The following SOX6 variants were observed in gnomAD, a reference collection of about 807,000 sequenced individuals.
The protein encoded by SOX6 is transcription factor SOX-6.
A neutral mutation model predicts 97.8 loss-of-function variants in SOX6; 11 were observed. The ratio of observed to expected loss-of-function variants is 0.11; its 90% CI spans 0.07 to 0.19. The LOEUF is 0.19. SOX6 is among the 10% of genes least tolerant of loss of function. The probability of loss-of-function intolerance (pLI) is 1.00; values close to 1 mark genes in which losing one functional copy is unlikely to be tolerated. For missense variants in SOX6, 810 were observed against 1,039.5 expected (o/e 0.78, Z 3.04); for synonymous variants, 360 against 371.4 (o/e 0.97, Z 0.35).
At chr11:16,279,905 T>C (rs1854503959) in intron 3 of SOX6, among the ~76,000 whole-genome samples, 1 of 152,078 alleles carries the variant, frequency 6.6e-6, no homozygotes, top group Non-Finnish European at 1.5e-5. Flanking sequence ...TCTTGAAAAA[T>C]CTATATTTGG....
chr11:16,673,204 GA>G (rs1564865487), intron 3 of SOX6, among the ~76,000 whole-genome samples: 1 of 151,990 alleles, frequency 6.6e-6, no homozygotes, highest in African/African-American at 2.4e-5. Context: ...GTGTCTTAAA[GA>G]ATTAGAAAAG....
chr11:16,066,489 T>G (rs1274114858), intron 9 of SOX6, among the ~76,000 whole-genome samples: 1 of 152,188 alleles, frequency 6.6e-6, no homozygotes, highest in Non-Finnish European at 1.5e-5. Flanking sequence ...TACCAAAGTT[T>G]GCAAGCAATC....
chr11:16,439,942 C>A lies in SOX6; in HGVS notation c.-5+36373G>T, dbSNP rs566901611. ...CTGGTATTTCTGAAGTGTCTAGATT[C>A]TCCACTTTCATACATTTAAACTATC... On this transcript the variant is annotated intron_variant, in intron 1 of 15. Transcript: ENST00000396356. 3.9e-5 allele frequency among the ~76,000 whole-genome samples: 6 copies of A among 152,276 alleles called. No individual in the cohort carries two copies. The East Asian group carries it at 1.2e-3, about 29-fold the overall frequency.
chr11:16,441,221 C>T (rs967171433), intron 1 of SOX6, among the ~76,000 whole-genome samples: 1 of 152,064 alleles, frequency 6.6e-6, no homozygotes, highest in Admixed American at 6.5e-5. Flanking sequence ...ATGGCCATAC[C>T]ATCTACTCTG....
intron 4 of SOX6, among the ~76,000 whole-genome samples, chr11:16,525,840 C>T (rs1310537506): frequency 1.3e-5 from 2 of 152,080 alleles, no homozygotes; most frequent in African/African-American, 4.8e-5. Context: ...ACAGACACTT[C>T]TCAAAAGAAG....
chr11:16,217,678 C>T (rs1445519791), intron 4 of SOX6, among the ~76,000 whole-genome samples: 1 of 152,078 alleles, frequency 6.6e-6, no homozygotes, highest in Admixed American at 6.6e-5. Context: ...ATCTCTACTT[C>T]TGAGTCTATT....
intron 3 of SOX6, among the ~76,000 whole-genome samples, chr11:16,623,744 T>TA (rs1180762358): frequency 1.3e-5 from 2 of 152,204 alleles, no homozygotes; most frequent in African/African-American, 4.8e-5. Flanking sequence ...TTGTATAAGG[T>TA]GAGAGATGAG....
chr11:16,698,762 G>A (rs926513521), intron 3 of SOX6, among the ~76,000 whole-genome samples: 13 of 152,152 alleles, frequency 8.5e-5, no homozygotes, highest in Non-Finnish European at 1.9e-4. Context: ...TGAGGAGAGG[G>A]AGAGAGACAG....
rs150998116 is a variant in SOX6 at position 16,652,199 on chromosome 11, C to T, written n.430-39939G>A. On this transcript the variant is annotated intron_variant and non_coding_transcript_variant, in intron 3 of 5. Coordinates refer to the SOX6 transcript ENST00000524520. ...TGACCATACAGCCAAAAGCAAGCTA[C>T]AGATTCAATGCAATTAGCATCAAAG... is the stretch of plus-strand genomic sequence containing the variant. Among the ~76,000 whole-genome samples the T allele has an allele frequency of 3.5e-3, 530 of 152,178 alleles. 8 individuals carry two copies. Among genetic ancestry groups the T allele is most frequent in the African/African-American group, 0.012 (504 of 41,518 alleles).
intron 4 of SOX6, among the ~76,000 whole-genome samples, chr11:16,550,171 A>G (rs1363519033): frequency 2.6e-5 from 4 of 152,194 alleles, no homozygotes; most frequent in Non-Finnish European, 4.4e-5. Flanking sequence ...TTGCAGGGAC[A>G]TGGATGAAGC....
intron 4 of SOX6, among the ~76,000 whole-genome samples, chr11:16,560,285 A>G (rs888191629): frequency 6.6e-6 from 1 of 152,136 alleles, no homozygotes; most frequent in African/African-American, 2.4e-5. Context: ...TGACACTAAA[A>G]TATTCTAACT....
chr11:16,645,204 A>G (rs1564857590), intron 3 of SOX6, among the ~76,000 whole-genome samples: 1 of 152,162 alleles, frequency 6.6e-6, no homozygotes, highest in Non-Finnish European at 1.5e-5. Flanking sequence ...ATCAAATGCC[A>G]CTAATAACAA....
At chr11:16,241,878 A>T (rs890952099) in intron 3 of SOX6, among the ~76,000 whole-genome samples, 2 of 152,086 alleles carry the variant, frequency 1.3e-5, no homozygotes, top group Non-Finnish European at 2.9e-5. Context: ...ATACAGAAAA[A>T]AATCTTTACC....
At chr11:16,524,697 C>T (rs1342356315) in intron 4 of SOX6, among the ~76,000 whole-genome samples, 11 of 152,024 alleles carry the variant, frequency 7.2e-5, no homozygotes, top group East Asian at 1.9e-4. Context: ...AAATTGTCCC[C>T]GTTTGCAGAT....
At chr11:16,273,090 T>C (rs752639544) in intron 3 of SOX6, among the ~76,000 whole-genome samples, 1 of 151,686 alleles carries the variant, frequency 6.6e-6, no homozygotes, top group Non-Finnish European at 1.5e-5. Context: ...CTCACAAATT[T>C]CACTCCGTCA....
At chr11:16,007,302 T>C (rs777859358) in intron 13 of SOX6, among the ~76,000 whole-genome samples, 3 of 152,116 alleles carry the variant, frequency 2.0e-5, no homozygotes, top group Non-Finnish European at 2.9e-5. Flanking sequence ...ATGATAAGTA[T>C]TTGTGTAATT....
At chr11:16,148,705 T>C (rs1316096427) in intron 6 of SOX6, among the ~76,000 whole-genome samples, 1 of 152,124 alleles carries the variant, frequency 6.6e-6, no homozygotes, top group Non-Finnish European at 1.5e-5. Context: ...AAAATATTAA[T>C]GCCTCTCTCT....
At chr11:16,491,701 G>A (rs1860512583) in intron 4 of SOX6, among the ~76,000 whole-genome samples, 1 of 152,022 alleles carries the variant, frequency 6.6e-6, no homozygotes, top group Admixed American at 6.5e-5. Flanking sequence ...CACAAGAGGA[G>A]AAAAACATTC....
intron 4 of SOX6, among the ~76,000 whole-genome samples, chr11:16,586,713 C>A (rs1589996311): frequency 6.6e-6 from 1 of 151,678 alleles, no homozygotes; most frequent in Non-Finnish European, 1.5e-5. Flanking sequence ...GAGTGAGAGA[C>A]TGTCTGTAAA....
Sources: allele counts gnomAD v4.1 joint callset (sites outside exome capture counted in the v4.1 genomes callset), GRCh38; gene constraint gnomAD v4.1.1; transcripts MANE v1.5; gene names NCBI Gene and HGNC (gene_info 2026-07-23, HGNC 2026-07-21).